C9orf85: variants seen among roughly 807,000 people sequenced by gnomAD.
C9orf85 encodes the protein uncharacterized protein C9orf85.
C9orf85 carries 16 observed loss-of-function variants against 14.9 expected under a neutral mutation model. The ratio of observed to expected loss-of-function variants is 1.08; its 90% confidence interval spans 0.73 to 1.63. C9orf85 has a LOEUF of 1.63. Ranked by LOEUF, C9orf85 falls within the 40% of genes most tolerant of loss-of-function variation. C9orf85 has a pLI of 0.00. For missense variants in C9orf85, 172 were observed against 186.1 expected (o/e 0.92, Z 0.44); for synonymous variants, 45 against 56.8 (o/e 0.79, Z 0.93).
chr9:71,927,429 T>A (rs902802890), intron 1 of C9orf85, among the ~76,000 whole-genome samples: 9 of 152,074 alleles, frequency 5.9e-5, no homozygotes, highest in African/African-American at 2.2e-4. Flanking sequence ...TATAGAATTA[T>A]AAAAATAGAA....
chr9:71,964,164 T>C (rs1223295408), intron 2 of C9orf85, among the ~76,000 whole-genome samples: 2 of 151,796 alleles, frequency 1.3e-5, no homozygotes, highest in Admixed American at 6.6e-5. Context: ...ACACTCTGTA[T>C]CTAGCTAATC....
intron 1 of C9orf85, among the ~76,000 whole-genome samples, chr9:71,922,985 C>T (rs1389816968): frequency 6.6e-6 from 1 of 152,168 alleles, no homozygotes; most frequent in Non-Finnish European, 1.5e-5. Context: ...AAAAAATTAG[C>T]TGGGCGTGGT....
intron 2 of C9orf85, among the ~76,000 whole-genome samples, chr9:71,952,072 T>C (rs1822257406): frequency 6.6e-6 from 1 of 152,176 alleles, no homozygotes; most frequent in African/African-American, 2.4e-5. Flanking sequence ...TTAGTTATTT[T>C]CTTTATTCTG....
At chr9:71,919,818 C>A (rs1393372720) in intron 1 of C9orf85, among the ~76,000 whole-genome samples, 1 of 151,778 alleles carries the variant, frequency 6.6e-6, no homozygotes, top group African/African-American at 2.4e-5. Context: ...CAGGTTGCTT[C>A]CACTTGAAGC....
At chr9:71,936,810 CA>C (rs1828202892) in intron 1 of C9orf85, among the ~76,000 whole-genome samples, 1 of 135,848 alleles carries the variant, frequency 7.4e-6, no homozygotes, top group Non-Finnish European at 1.5e-5. Context: ...CTCACTCTGT[CA>C]CCAGTGGTAT....
intron 2 of C9orf85, among the ~76,000 whole-genome samples, chr9:71,952,384 A>C (rs577609837): frequency 2.4e-4 from 37 of 152,126 alleles, no homozygotes; most frequent in African/African-American, 8.9e-4. Context: ...CTATTTTTTG[A>C]GACGGAGTCT....
downstream of C9orf85, chr9:71,986,017 A>G (rs1448033966): frequency 6.6e-6 from 1 of 152,240 alleles, no homozygotes; most frequent in Non-Finnish European, 1.5e-5. Flanking sequence ...AAGAATTGTG[A>G]TATATATTTA....
At chr9:71,967,556 G>T (rs1205647626) in intron 2 of C9orf85, among the ~76,000 whole-genome samples, 2 of 151,972 alleles carry the variant, frequency 1.3e-5, no homozygotes, top group African/African-American at 2.4e-5. Flanking sequence ...TACAGTTTAT[G>T]TTTGTTTACT....
chr9:71,948,823 C>T (rs1394027816), intron 2 of C9orf85, among the ~76,000 whole-genome samples: 1 of 149,560 alleles, frequency 6.7e-6, no homozygotes, highest in Non-Finnish European at 1.5e-5. Context: ...GCCCCCCCCC[C>T]CCCCTTTAAA....
downstream of C9orf85, among the ~76,000 whole-genome samples, chr9:71,977,655 T>G (rs1404040119): frequency 6.6e-6 from 1 of 152,220 alleles, no homozygotes; most frequent in East Asian, 1.9e-4. Flanking sequence ...TAACACATCT[T>G]TGTCCCTTCC....
At chr9:71,955,005 C>T (rs953354181) in intron 2 of C9orf85, among the ~76,000 whole-genome samples, 1 of 152,130 alleles carries the variant, frequency 6.6e-6, no homozygotes, top group African/African-American at 2.4e-5. Context: ...TATTAACCAA[C>T]CCCTTTCCTT....
chr9:71,925,495 A>G (rs1158611394), intron 1 of C9orf85, among the ~76,000 whole-genome samples: 4 of 152,220 alleles, frequency 2.6e-5, no homozygotes, highest in Non-Finnish European at 5.9e-5. Context: ...GATACCAAAA[A>G]ACTGAAGAAG....
intron 3 of C9orf85, chr9:71,982,545 C>T (rs1034650237): frequency 5.7e-6 from 2 of 353,334 alleles, no homozygotes; most frequent in Non-Finnish European, 5.4e-6. Context: ...TCAAGATCCT[C>T]GCCAACACTT....
intron 1 of C9orf85, chr9:71,918,505 C>T (rs557179631): frequency 2.8e-4 from 335 of 1,201,254 alleles, no homozygotes; most frequent in Non-Finnish European, 3.2e-4. Context: ...ACCCCCGCAT[C>T]GGTCCATGGC....
intron 1 of C9orf85, among the ~76,000 whole-genome samples, chr9:71,931,788 C>T (rs368930777): frequency 6.6e-5 from 10 of 152,350 alleles, no homozygotes; most frequent in Middle Eastern, 6.8e-3. Flanking sequence ...CTCACCTACA[C>T]TAACCAGTGT....
At chr9:71,962,946 C>T (rs1244302932) in intron 2 of C9orf85, among the ~76,000 whole-genome samples, 1 of 152,010 alleles carries the variant, frequency 6.6e-6, no homozygotes, top group Non-Finnish European at 1.5e-5. Flanking sequence ...ATCCCAGCTA[C>T]TCGGGAGGCT....
chr9:71,926,063 C>G (rs1390083707), intron 1 of C9orf85, among the ~76,000 whole-genome samples: 1 of 152,304 alleles, frequency 6.6e-6, no homozygotes, highest in East Asian at 1.9e-4. Flanking sequence ...AAAATGCTTC[C>G]TGTGTATACT....
At chr9:71,981,994 T>C (rs1823105687) in intron 3 of C9orf85, among the ~76,000 whole-genome samples, 1 of 152,170 alleles carries the variant, frequency 6.6e-6, no homozygotes, top group South Asian at 2.1e-4. Context: ...ATCACCACAA[T>C]CCAGTTTTAG....
chr9:71,966,329 A>G (rs1822690010), intron 2 of C9orf85, among the ~76,000 whole-genome samples: 1 of 152,156 alleles, frequency 6.6e-6, no homozygotes, highest in African/African-American at 2.4e-5. Flanking sequence ...TTCTTTTAAC[A>G]TGTGTATTCC....
Sources: allele counts gnomAD v4.1 joint callset (sites outside exome capture counted in the v4.1 genomes callset), GRCh38; gene constraint gnomAD v4.1.1; transcripts MANE v1.5; gene names NCBI Gene and HGNC (gene_info 2026-07-23, HGNC 2026-07-21).